The following ABCA12 variants were observed in gnomAD, a reference collection of about 807,000 sequenced individuals.
The protein encoded by ABCA12 is ATP binding cassette subfamily A member 12.
A neutral mutation model predicts 293.5 loss-of-function variants in ABCA12; 156 were observed. The observed-to-expected ratio is 0.53, with a 90% confidence interval of 0.47 to 0.61. The LOEUF (loss-of-function observed/expected upper bound fraction) is 0.61, where lower values mean the gene tolerates loss of function less well. Ranked by LOEUF, ABCA12 falls within the 20% of genes least tolerant of loss-of-function variation. The pLI is 0.00. For missense variants in ABCA12, 2,797 were observed against 3,090.2 expected (o/e 0.91, Z 2.25); for synonymous variants, 1,063 against 1,108.0 (o/e 0.96, Z 0.81).
At chr2:215,008,329 A>G (rs1574978989) in intron 18 of ABCA12, among the ~76,000 whole-genome samples, 1 of 152,264 alleles carries the variant, frequency 6.6e-6, no homozygotes, top group South Asian at 2.1e-4. Context: ...TATTGAAATA[A>G]AAATACTGCT....
chr2:215,010,484 G>T lies in ABCA12; in HGVS notation c.2333-14C>A, dbSNP rs760155135. ...AGCAAAATGGTGCTGGAAGGAAAAA[G>T]TGAAATAAAACCATTTAATAGATGT... On this transcript the variant is annotated splice_polypyrimidine_tract_variant and intron_variant, in intron 17 of 52. Transcript: ENST00000272895. 3.0e-5 allele frequency: 48 copies of T among 1,612,770 alleles called. No homozygotes were observed. In the Middle Eastern group the frequency reaches 6.6e-4, roughly 22 times the overall value.
At chr2:214,945,638 C>T (rs1039161647) in intron 48 of ABCA12, among the ~76,000 whole-genome samples, 6 of 152,044 alleles carry the variant, frequency 3.9e-5, no homozygotes, top group Non-Finnish European at 7.4e-5. Context: ...GAAAGATGTA[C>T]GTTATTTTTC....
intron 39 of ABCA12, among the ~76,000 whole-genome samples, 184 bp from the exon 40 acceptor site, chr2:214,959,262 G>A (rs1699045550): frequency 6.6e-6 from 1 of 151,812 alleles, no homozygotes; most frequent in Admixed American, 6.6e-5. Flanking sequence ...TACAATTGGT[G>A]GCACTCACAT....
chr2:215,079,579 A>G (rs1161847991), intron 2 of ABCA12, among the ~76,000 whole-genome samples: 1 of 152,204 alleles, frequency 6.6e-6, no homozygotes, highest in Non-Finnish European at 1.5e-5. Flanking sequence ...GGCAAATGTC[A>G]TTAATGTCTC....
chr2:215,089,522 G>T (rs1379013716), intron 2 of ABCA12, among the ~76,000 whole-genome samples: 2 of 152,172 alleles, frequency 1.3e-5, no homozygotes, highest in African/African-American at 4.8e-5. Flanking sequence ...GGTTACTACT[G>T]CAGGGAGCAG....
chr2:214,976,515 G>C (rs1159817742), intron 33 of ABCA12, among the ~76,000 whole-genome samples: 1 of 152,116 alleles, frequency 6.6e-6, no homozygotes, highest in East Asian at 1.9e-4. Flanking sequence ...GTAACTTAGT[G>C]ACTGTAAGTC....
intron 47 of ABCA12, 70 bp from the exon 48 acceptor site, chr2:214,947,626 A>T (rs951486270): frequency 3.2e-6 from 5 of 1,552,752 alleles, no homozygotes; most frequent in Non-Finnish European, 4.4e-6. Context: ...AAATGGAAAA[A>T]AAAAAGATGC....
intron 26 of ABCA12, among the ~76,000 whole-genome samples, 156 bp downstream of exon 26, chr2:214,989,173 C>T (rs1244667961): frequency 1.7e-4 from 2 of 12,102 alleles, no homozygotes; most frequent in Admixed American, 1.4e-3. Context: ...AGGGAGACTC[C>T]ATCTCAATAC....
At chr2:214,990,352 C>T (rs1452535119) in intron 24 of ABCA12, among the ~76,000 whole-genome samples, 1 of 152,176 alleles carries the variant, frequency 6.6e-6, no homozygotes, top group Non-Finnish European at 1.5e-5. Flanking sequence ...AAATTGTTCA[C>T]ATATGAGAAT....
At chr2:215,076,881 T>G (rs192875035) in intron 2 of ABCA12, among the ~76,000 whole-genome samples, 1 of 152,180 alleles carries the variant, frequency 6.6e-6, no homozygotes, top group African/African-American at 2.4e-5. Context: ...TACAAAAGGA[T>G]GTGTGAGTGG....
At chr2:215,088,867 T>C (rs1702087790) in intron 2 of ABCA12, among the ~76,000 whole-genome samples, 1 of 152,062 alleles carries the variant, frequency 6.6e-6, no homozygotes, top group Non-Finnish European at 1.5e-5. Flanking sequence ...TGAGCTTTAG[T>C]AGCAAAAAAG....
intron 6 of ABCA12, 45 bp downstream of exon 6, chr2:215,049,581 T>G (rs773321679): frequency 6.3e-7 from 1 of 1,577,222 alleles, no homozygotes; most frequent in Non-Finnish European, 8.7e-7. Context: ...GATTTACCCT[T>G]TAATTCATGT....
chr2:215,088,006 A>G (rs978088266), intron 2 of ABCA12, among the ~76,000 whole-genome samples: 4 of 152,098 alleles, frequency 2.6e-5, no homozygotes, highest in Non-Finnish European at 4.4e-5. Context: ...AAGTGGCTGG[A>G]GTGTGATGTA....
At position 215,100,158 on chromosome 2, in the gene ABCA12, G is replaced by A. The variant is rs900494911; in HGVS notation, c.163+11439C>T. ...GCCTCCCAAGTAGCTGGCACCACAGGCACATACCACCACATGTGACTAATT... is the reference window on the plus strand; with the variant it reads ...GCCTCCCAAGTAGCTGGCACCACAGACACATACCACCACATGTGACTAATT... On this transcript the variant is annotated intron_variant, in intron 2 of 52. Coordinates refer to ENST00000272895, the MANE Select transcript of ABCA12 (RefSeq NM_173076.3). Among the ~76,000 whole-genome samples, 8 of 151,912 alleles carry A rather than the reference G, an allele frequency of 5.3e-5. No homozygotes were observed. The East Asian group carries it at 1.4e-3, about 26-fold the overall frequency.
intron 30 of ABCA12, among the ~76,000 whole-genome samples, chr2:214,981,962 TATTATTATTATTA>T (rs1699672126): frequency 7.6e-6 from 1 of 132,298 alleles, no homozygotes; most frequent in Non-Finnish European, 1.6e-5. Context: ...TTATTATTAT[TATTATTATTATTA>T]TTATTATTAT....
At chr2:214,993,126 C>T (rs1699960792) in intron 23 of ABCA12, among the ~76,000 whole-genome samples, 1 of 152,266 alleles carries the variant, frequency 6.6e-6, no homozygotes, top group African/African-American at 2.4e-5. Flanking sequence ...TGGCTGCCAA[C>T]AGCCTAAGCT....
Position 214,992,009 on chromosome 2 carries a change from T to A in ABCA12, c.3295-978A>T, listed in dbSNP as rs185506814. 9.2e-5 allele frequency among the ~76,000 whole-genome samples: 14 copies of A among 152,242 alleles called. No homozygotes were observed. In the East Asian group the frequency reaches 2.7e-3, roughly 29 times the overall value. On this transcript the variant is annotated intron_variant, in intron 23 of 52. Transcript: ENST00000272895. ...GACAAACCTACACGCTGTGCACATG[T>A]ATCCCATAACTTAAAGTATAATAAA...
chr2:215,105,635 A>G (rs866051569), intron 2 of ABCA12, among the ~76,000 whole-genome samples: 1 of 151,864 alleles, frequency 6.6e-6, no homozygotes, highest in Non-Finnish European at 1.5e-5. Context: ...ACTTTCACAC[A>G]GTCACAAAGC....
At position 214,982,167 on chromosome 2, in the gene ABCA12, T is replaced by G. The variant is rs781624676; in HGVS notation, c.4579+20A>C. 2 of 1,613,006 alleles carry G rather than the reference T, an allele frequency of 1.2e-6. No individual in the cohort carries two copies. The highest frequency in any genetic ancestry group is 1.7e-6 in the Non-Finnish European group (2 of 1,179,340). ...GAAGTATGACTGTTGGGTGGAGAAG[T>G]TCTGAGAAACTACTCATACCAGTTT... On this transcript the variant is annotated intron_variant, in intron 30 of 52. Coordinates refer to ENST00000272895, the MANE Select transcript of ABCA12 (RefSeq NM_173076.3).
Sources: gnomAD v4.1 joint callset for allele counts (sites outside exome capture counted in the v4.1 genomes callset) on GRCh38, gnomAD v4.1.1 for gene constraint, MANE v1.5 for transcripts, NCBI Gene and HGNC (gene_info 2026-07-23, HGNC 2026-07-21) for gene names.